DOK7: variants seen among roughly 807,000 people sequenced by gnomAD.
The protein encoded by DOK7 is docking protein 7.
Under a neutral mutation model 30.7 loss-of-function variants are expected in DOK7, and 32 were observed. That is an observed-to-expected ratio of 1.04 (90% CI 0.79 to 1.40). The LOEUF (loss-of-function observed/expected upper bound fraction) is 1.40. Among genes scored for constraint, DOK7 ranks in the 40% most tolerant of loss-of-function variants. The probability of loss-of-function intolerance (pLI) is 0.00; values close to 1 mark genes in which losing one functional copy is unlikely to be tolerated. For missense variants in DOK7, 1,007 were observed against 699.2 expected (o/e 1.44, Z -4.97); for synonymous variants, 447 against 324.1 (o/e 1.38, Z -4.07).
chr4:3,473,668 C>T, intron 3 of DOK7, 32 bp downstream of exon 3: 1 of 1,513,900 alleles, frequency 6.6e-7, no homozygotes, highest in Non-Finnish European at 8.9e-7. Flanking sequence ...CGGGCGGGGG[C>T]TCCCCGTTCA....
intron 2 of DOK7, among the ~76,000 whole-genome samples, chr4:3,468,878 CGAGTGTGCCTGTGTA>C (rs1726542865): frequency 6.4e-5 from 8 of 125,780 alleles, no homozygotes; most frequent in African/African-American, 1.6e-4. Context: ...TGCCTGTGTA[CGAGTGTGCCTGTGTA>C]TGTGTGCATG....
chr4:3,489,403 C>G (rs1190342585), intron 5 of DOK7, among the ~76,000 whole-genome samples: 1 of 152,150 alleles, frequency 6.6e-6, no homozygotes, highest in Non-Finnish European at 1.5e-5. Flanking sequence ...AAGGAGGGGT[C>G]TGGCCGGCGT....
downstream of DOK7, among the ~76,000 whole-genome samples, chr4:3,497,494 G>T (rs561046412): frequency 3.1e-4 from 47 of 152,296 alleles, no homozygotes; most frequent in Admixed American, 2.7e-3. Context: ...ACAGAGCCCT[G>T]CTGAAGGTTG....
chr4:3,501,041 G>T, exon 8 of DOK7: 1 of 714,832 alleles, frequency 1.4e-6, no homozygotes, highest in East Asian at 3.0e-5. Flanking sequence ...CTGACCCTTC[G>T]GCCTGAAAGA....
At chr4:3,500,586 A>G in intron 7 of DOK7, 1 of 1,517,080 alleles carries the variant, frequency 6.6e-7, no homozygotes, top group Non-Finnish European at 8.8e-7. Flanking sequence ...GGGTGTCCCC[A>G]CTCAGATGCT....
rs1287846861 is a variant in DOK7 at position 3,489,683 on chromosome 4, G to T, written c.659G>T (p.Ser220Ile). The T allele has an allele frequency of 2.6e-5, 41 of 1,565,960 alleles. No individual in the cohort carries two copies. The highest frequency in any genetic ancestry group is 3.5e-5 in the Non-Finnish European group (40 of 1,155,578). ...FGLRPVLPDP[S>I]PPGPSTVEER... The stretch of plus-strand genomic sequence containing the variant: ...AGTCTTCTCTCTGCCACAGACCCAA[G>T]TCCCCCGGGACCCTCGACTGTGGAG... Residue 220 changes from serine (S) to isoleucine (I), a missense_variant, in exon 6 of 7, where the codon AGT becomes ATT. By Grantham distance (142) the Ser-to-Ile change is moderately radical. Coordinates refer to ENST00000340083, the MANE Select transcript of DOK7 (RefSeq NM_173660.5).
At chr4:3,485,402 A>T in intron 4 of DOK7, 137 bp from the exon 5 acceptor site, 1 of 1,204,996 alleles carries the variant, frequency 8.3e-7, no homozygotes, top group African/African-American at 1.6e-5. Context: ...GGCTCTGGGC[A>T]TCTGACTTCG....
chr4:3,494,615 T>C (rs944356470), downstream of DOK7: 5 of 818,018 alleles, frequency 6.1e-6, no homozygotes, highest in African/African-American at 3.7e-5. Context: ...AGAGGCCTCA[T>C]CTGTCTTGTG....
chr4:3,477,810 G>A (rs1727191313), intron 4 of DOK7, among the ~76,000 whole-genome samples: 2 of 150,154 alleles, frequency 1.3e-5, no homozygotes, highest in Admixed American at 1.3e-4. Context: ...CGCTGCCTAT[G>A]CCAGCTGTGA....
downstream of DOK7, among the ~76,000 whole-genome samples, chr4:3,498,297 G>A (rs1268281167): frequency 6.6e-5 from 10 of 152,204 alleles, no homozygotes; most frequent in Admixed American, 5.2e-4. Flanking sequence ...TGGCCTTGGG[G>A]GAGATACAGA....
chr4:3,483,524 C>T (rs972649922), intron 4 of DOK7, among the ~76,000 whole-genome samples: 1 of 152,194 alleles, frequency 6.6e-6, no homozygotes, highest in Non-Finnish European at 1.5e-5. Context: ...GTCGCGTGGG[C>T]ACGTGGGAGC....
chr4:3,483,211 A>G (rs59183660), intron 4 of DOK7, among the ~76,000 whole-genome samples: 2 of 34,624 alleles, frequency 5.8e-5, no homozygotes, highest in African/African-American at 1.4e-4. Flanking sequence ...GAGGGTGGGG[A>G]CGGCAGCCTC....
At chr4:3,497,616 C>T (rs1577191172), downstream of DOK7, among the ~76,000 whole-genome samples, 1 of 152,032 alleles carries the variant, frequency 6.6e-6, no homozygotes, top group Admixed American at 6.5e-5. Context: ...CGGGCTAAAC[C>T]TTGGATTCCT....
chr4:3,486,744 T>C (rs1727825092), intron 5 of DOK7, among the ~76,000 whole-genome samples: 3 of 151,988 alleles, frequency 2.0e-5, no homozygotes, highest in African/African-American at 7.2e-5. Context: ...CCTGCAGGTG[T>C]CTTCCTGCCT....
intron 2 of DOK7, among the ~76,000 whole-genome samples, chr4:3,471,091 T>G (rs1002939209): frequency 6.6e-6 from 1 of 152,258 alleles, no homozygotes; most frequent in East Asian, 1.9e-4. Context: ...TGCTGAGCAC[T>G]GAGGGTGAGC....
At chr4:3,482,109 T>C (rs1461511920) in intron 4 of DOK7, among the ~76,000 whole-genome samples, 1 of 152,212 alleles carries the variant, frequency 6.6e-6, no homozygotes, top group Non-Finnish European at 1.5e-5. Context: ...TACAGCCCTT[T>C]GGGACACCCG....
intron 5 of DOK7, among the ~76,000 whole-genome samples, chr4:3,487,287 C>G (rs1727872054): frequency 6.6e-6 from 1 of 152,206 alleles, no homozygotes; most frequent in South Asian, 2.1e-4. Context: ...GTGGGCCCAG[C>G]CCCCGCAGGC....
chr4:3,487,662 G>T (rs543897824), intron 5 of DOK7, among the ~76,000 whole-genome samples: 2 of 152,204 alleles, frequency 1.3e-5, no homozygotes, highest in African/African-American at 4.8e-5. Context: ...TTTTGCAGAC[G>T]AGGGTGAGAG....
chr4:3,474,611 C>T (rs1190898461), intron 3 of DOK7, among the ~76,000 whole-genome samples: 2 of 152,192 alleles, frequency 1.3e-5, no homozygotes, highest in African/African-American at 4.8e-5. Context: ...CACCTGAGGT[C>T]AGGACTTCGA....
Sources: allele counts gnomAD v4.1 joint callset (sites outside exome capture counted in the v4.1 genomes callset), GRCh38; gene constraint gnomAD v4.1.1; transcripts MANE v1.5; gene names NCBI Gene and HGNC (gene_info 2026-07-23, HGNC 2026-07-21).